C5: variants seen among roughly 807,000 people sequenced by gnomAD.
The protein encoded by C5 is C3 and PZP-like alpha-2-macroglobulin domain-containing protein 4.
C5 carries 140 observed loss-of-function variants against 218.8 expected under a neutral mutation model. That is an observed-to-expected ratio of 0.64 (90% CI 0.56 to 0.74). The LOEUF is 0.74. Among genes scored for constraint, C5 ranks in the 30% least tolerant of loss-of-function variants. C5 has a pLI of 0.00. For missense variants in C5, 1,700 were observed against 1,969.6 expected (o/e 0.86, Z 2.59); for synonymous variants, 614 against 682.3 (o/e 0.90, Z 1.56).
intron 20 of C5, among the ~76,000 whole-genome samples, chr9:121,003,706 A>G (rs1485571946): frequency 6.6e-6 from 1 of 152,208 alleles, no homozygotes; most frequent in Non-Finnish European, 1.5e-5. Context: ...TTTTTATTTT[A>G]TCAACCTTCC....
At chr9:120,966,362 A>C (rs1242977042) in intron 33 of C5, among the ~76,000 whole-genome samples, 1 of 152,248 alleles carries the variant, frequency 6.6e-6, no homozygotes, top group Non-Finnish European at 1.5e-5. Flanking sequence ...AATTGTGGAT[A>C]ATTAGAACTG....
At position 121,020,105 on chromosome 9, in the gene C5, A is replaced by C; in HGVS notation, c.1377T>G (p.Ser459=). Residue 459 remains serine, a synonymous_variant, in exon 12 of 41, where the codon TCT becomes TCG. Transcript: ENST00000223642. ...CAATATAAAGGTAACTTTGGCTGAG[A>C]GATGAGTATGCTATTGCTCGGTAAC... ...REGYRAIAYS[S]LSQSYLYIDW... is the part of the protein sequence containing the mutation. 1 of 1,613,940 alleles carries C rather than the reference A, an allele frequency of 6.2e-7. No individual in the cohort carries two copies. Among genetic ancestry groups the C allele is most frequent in the Middle Eastern group, 1.6e-4 (1 of 6,062 alleles).
At chr9:120,960,142 A>G in intron 38 of C5, 106 bp downstream of exon 38, 1 of 740,146 alleles carries the variant, frequency 1.4e-6, no homozygotes, top group Non-Finnish European at 2.4e-6. Context: ...ATCACATGGA[A>G]TGTTGTATTC....
intron 8 of C5, among the ~76,000 whole-genome samples, chr9:121,026,264 T>C (rs1450100764): frequency 6.6e-6 from 1 of 152,146 alleles, no homozygotes; most frequent in African/African-American, 2.4e-5. Context: ...ACTCATATCA[T>C]CTGTGGTATA....
At chr9:121,029,800 T>A (rs1331452544) in intron 7 of C5, among the ~76,000 whole-genome samples, 2 of 152,192 alleles carry the variant, frequency 1.3e-5, no homozygotes, top group East Asian at 3.8e-4. Context: ...ATTGCCTCTT[T>A]GAGTGTTGCT....
At chr9:120,983,148 G>A (rs1448252786) in intron 25 of C5, among the ~76,000 whole-genome samples, 1 of 152,188 alleles carries the variant, frequency 6.6e-6, no homozygotes, top group Non-Finnish European at 1.5e-5. Flanking sequence ...CTATGAACAT[G>A]AGACATGAAA....
intron 8 of C5, chr9:121,025,781 G>C (rs1324388018): frequency 2.0e-5 from 10 of 510,458 alleles, no homozygotes; most frequent in Middle Eastern, 5.5e-4. Context: ...TATAGAAGTA[G>C]AAGGGTCTTG....
upstream of C5, among the ~76,000 whole-genome samples, chr9:121,053,118 T>C (rs558409173): frequency 6.6e-6 from 1 of 152,338 alleles, no homozygotes; most frequent in South Asian, 2.1e-4. Flanking sequence ...AATTTTCATG[T>C]GCCTGTTCCA....
the C5 span, among the ~76,000 whole-genome samples, chr9:121,074,035 T>C: frequency 6.6e-6 from 1 of 152,132 alleles, no homozygotes; most frequent in Non-Finnish European, 1.5e-5. Flanking sequence ...CAAGGAAGTT[T>C]AGAAATACGC....
the C5 span, among the ~76,000 whole-genome samples, chr9:121,071,638 T>C: frequency 7.9e-4 from 121 of 152,280 alleles, 2 homozygotes; most frequent in African/African-American, 2.7e-3. Context: ...TGAGTTATGA[T>C]TGTGTCACTG....
chr9:120,957,425 T>A (rs2046794682), intron 38 of C5, 57 bp from the exon 39 acceptor site: 1 of 1,311,092 alleles, frequency 7.6e-7, no homozygotes, highest in African/African-American at 1.4e-5. Flanking sequence ...TAATGCTATG[T>A]CCAGTAGAAG....
rs982345379 is a variant in C5 at position 120,986,329 on chromosome 9, T to C, written c.3230+2717A>G. Among the ~76,000 whole-genome samples the C allele has an allele frequency of 2.7e-5, 4 of 150,134 alleles. No individual in the cohort carries two copies. In the East Asian group the frequency reaches 5.8e-4, roughly 22 times the overall value. On this transcript the variant is annotated intron_variant, in intron 25 of 40. Transcript: ENST00000223642. Reference sequence around the variant, plus strand: ...GAAACAGAAATAAGATGGAGGCTTGTAGTTAAAGAGAAAAGTTCAATATCC... The same window carrying C: ...GAAACAGAAATAAGATGGAGGCTTGCAGTTAAAGAGAAAAGTTCAATATCC...
chr9:121,048,487 AAC>A (rs913264232), intron 1 of C5, among the ~76,000 whole-genome samples: 2 of 152,236 alleles, frequency 1.3e-5, no homozygotes, highest in Non-Finnish European at 2.9e-5. Flanking sequence ...TCTGAAGTGG[AAC>A]AGTTTCATTC....
intron 8 of C5, 185 bp from the exon 9 acceptor site, chr9:121,025,765 T>A: frequency 1.8e-6 from 1 of 544,232 alleles, no homozygotes; most frequent in Non-Finnish European, 3.3e-6. Context: ...ATTATTTGTA[T>A]AGAATTATAG....
At chr9:121,056,681 GA>G in the C5 span, among the ~76,000 whole-genome samples, 2 of 151,306 alleles carry the variant, frequency 1.3e-5, no homozygotes, top group African/African-American at 4.9e-5. Flanking sequence ...GGAGAAAAAG[GA>G]AAAAACTAAA....
At chr9:121,041,253 A>G (rs1372145427) in intron 3 of C5, among the ~76,000 whole-genome samples, 1 of 139,096 alleles carries the variant, frequency 7.2e-6, no homozygotes, top group Non-Finnish European at 1.5e-5. Context: ...CAGGTATTAC[A>G]TCATCTTACA....
the C5 span, among the ~76,000 whole-genome samples, chr9:121,059,826 C>G: frequency 2.6e-5 from 4 of 152,328 alleles, no homozygotes; most frequent in Admixed American, 1.3e-4. The surrounding 1 kb of genome is among the most constrained non-coding windows in gnomAD (Gnocchi z 4.1). Flanking sequence ...AGAAAGGAAC[C>G]ACGGCCTCCC....
intron 32 of C5, 43 bp from the exon 33 acceptor site, chr9:120,969,161 A>T (rs1217830994): frequency 5.2e-6 from 8 of 1,540,720 alleles, no homozygotes; most frequent in Non-Finnish European, 4.5e-6. Context: ...ATATAAGAGT[A>T]AACTGTTTTC....
chr9:121,056,559 G>C, the C5 span, among the ~76,000 whole-genome samples: 1 of 152,072 alleles, frequency 6.6e-6, no homozygotes, highest in African/African-American at 2.4e-5. Flanking sequence ...AAAAATCTTG[G>C]AGATAGAAAA....
Sources: allele counts gnomAD v4.1 joint callset (sites outside exome capture counted in the v4.1 genomes callset), GRCh38; gene constraint gnomAD v4.1.1; non-coding constraint Gnocchi (gnomAD v3.1); transcripts MANE v1.5; gene names NCBI Gene and HGNC (gene_info 2026-07-23, HGNC 2026-07-21).